The following CDC42BPA variants were observed in gnomAD, a reference collection of about 807,000 sequenced individuals.
The protein encoded by CDC42BPA is CDC42 binding protein kinase alpha, also known as serine/threonine-protein kinase MRCK alpha.
In CDC42BPA, 80 loss-of-function variants were observed where a neutral mutation model predicts 223.5. That is an observed-to-expected ratio of 0.36 (90% CI 0.30 to 0.43). The LOEUF (loss-of-function observed/expected upper bound fraction) is 0.43, where lower values mean the gene tolerates loss of function less well. Among genes scored for constraint, CDC42BPA ranks in the 20% least tolerant of loss-of-function variants. The pLI, the probability that CDC42BPA is intolerant of heterozygous loss-of-function variation, is 1.00. For missense variants in CDC42BPA, 1,743 were observed against 2,099.9 expected (o/e 0.83, Z 3.32); for synonymous variants, 694 against 718.6 (o/e 0.97, Z 0.55).
chr1:227,092,491 C>T (rs562584519), intron 15 of CDC42BPA, among the ~76,000 whole-genome samples: 5 of 152,268 alleles, frequency 3.3e-5, no homozygotes, highest in African/African-American at 7.2e-5. Context: ...ACATGCATTA[C>T]GTTCTATCCA....
chr1:227,145,426 T>G, intron 8 of CDC42BPA, 63 bp downstream of exon 8: 1 of 1,435,274 alleles, frequency 7.0e-7, no homozygotes, highest in Non-Finnish European at 9.4e-7. Context: ...AACCAAAAAA[T>G]TACTATATAA....
At chr1:227,207,419 G>C (rs1250880919) in intron 3 of CDC42BPA, among the ~76,000 whole-genome samples, 2 of 145,362 alleles carry the variant, frequency 1.4e-5, no homozygotes, top group Non-Finnish European at 3.0e-5. Context: ...CATTGTGCAG[G>C]TTAGTTACAT....
At chr1:227,067,277 G>A (rs1439584226) in intron 21 of CDC42BPA, among the ~76,000 whole-genome samples, 2 of 152,042 alleles carry the variant, frequency 1.3e-5, no homozygotes, top group African/African-American at 4.8e-5. Context: ...GGACCTGGCT[G>A]GGGTGTGCAT....
chr1:227,142,720 A>G (rs1052616853), intron 9 of CDC42BPA, among the ~76,000 whole-genome samples: 2 of 152,152 alleles, frequency 1.3e-5, no homozygotes, highest in Non-Finnish European at 2.9e-5. Context: ...CCCAGGTTCA[A>G]GTGATTCTCC....
chr1:227,053,437 T>C (rs1318365476), intron 21 of CDC42BPA, among the ~76,000 whole-genome samples: 1 of 152,116 alleles, frequency 6.6e-6, no homozygotes, highest in Non-Finnish European at 1.5e-5. Context: ...TTAGGGGTCT[T>C]GGAGCAGCAA....
At chr1:227,293,722 A>G (rs1159111875) in intron 1 of CDC42BPA, among the ~76,000 whole-genome samples, 1 of 152,088 alleles carries the variant, frequency 6.6e-6, no homozygotes, top group African/African-American at 2.4e-5. Flanking sequence ...GAGGCAGAAG[A>G]ATCGCCTGAA....
chr1:227,130,758 G>A (rs1410325860), intron 10 of CDC42BPA, among the ~76,000 whole-genome samples: 1 of 152,172 alleles, frequency 6.6e-6, no homozygotes, highest in Admixed American at 6.5e-5. Context: ...GGGAGGCTGA[G>A]GCAGGAGAAA....
At chr1:227,007,535 G>C (rs1160824506) in intron 34 of CDC42BPA, among the ~76,000 whole-genome samples, 2 of 152,182 alleles carry the variant, frequency 1.3e-5, no homozygotes, top group African/African-American at 4.8e-5. Context: ...CATAATTTAA[G>C]AGTTGATGAT....
chr1:227,189,307 AAACT>A (rs2150114817), intron 5 of CDC42BPA, among the ~76,000 whole-genome samples: 1 of 152,346 alleles, frequency 6.6e-6, no homozygotes, highest in East Asian at 1.9e-4. Context: ...TCAGAAATGA[AAACT>A]AAGTAAGAGT....
intron 26 of CDC42BPA, among the ~76,000 whole-genome samples, chr1:227,033,674 A>G (rs1367109017): frequency 6.6e-6 from 1 of 152,198 alleles, no homozygotes. Context: ...TTAAGTATAC[A>G]CGTAGAACTG....
At chr1:227,298,164 C>A (rs1015427480) in intron 1 of CDC42BPA, among the ~76,000 whole-genome samples, 12 of 151,318 alleles carry the variant, frequency 7.9e-5, no homozygotes, top group Non-Finnish European at 1.8e-4. Context: ...TGGCATTTTC[C>A]AGAATACCTC....
intron 1 of CDC42BPA, among the ~76,000 whole-genome samples, chr1:227,292,282 A>G (rs1265014281): frequency 6.6e-6 from 1 of 151,802 alleles, no homozygotes; most frequent in Non-Finnish European, 1.5e-5. Context: ...AGCCCAGCCA[A>G]TAATTTTTAA....
Position 227,028,734 on chromosome 1 carries a change from A to T in CDC42BPA, c.4355T>A (p.Ile1452Asn). Residue 1452 changes from isoleucine to asparagine, a missense_variant, in exon 30 of 37, where the codon ATT (isoleucine) becomes AAT (asparagine). Physicochemically the swap from Ile to Asn is moderately radical, Grantham distance 149 (BLOSUM62 -3). Coordinates refer to ENST00000366766, the MANE Select transcript of CDC42BPA (RefSeq NM_001394014.1). ...SKEYLLCFNS[I>N]GIYTDCQGRR... ...GCCCTGGCAGTCAGTGTATATCCCA[A>T]TGCTGTTAAAACACAGCAGATATTC... 6.2e-7 allele frequency: 1 copy of T among 1,613,890 alleles called. No homozygotes were observed.
At chr1:227,180,096 C>T (rs1300177248) in intron 5 of CDC42BPA, among the ~76,000 whole-genome samples, 3 of 152,100 alleles carry the variant, frequency 2.0e-5, no homozygotes, top group Non-Finnish European at 4.4e-5. Context: ...ATCCAAGCTA[C>T]TCAGGAGGCT....
intron 1 of CDC42BPA, among the ~76,000 whole-genome samples, chr1:227,278,008 C>G (rs1469750111): frequency 6.6e-6 from 1 of 152,206 alleles, no homozygotes; most frequent in South Asian, 2.1e-4. Flanking sequence ...CTCGGCCTTC[C>G]TAAGTGCTGG....
chr1:227,198,539 T>TA (rs535832594), intron 4 of CDC42BPA, among the ~76,000 whole-genome samples: 24 of 151,790 alleles, frequency 1.6e-4, no homozygotes, highest in Middle Eastern at 3.4e-3. Flanking sequence ...ATCTGTAGTT[T>TA]AAAAAAACAT....
intron 1 of CDC42BPA, among the ~76,000 whole-genome samples, chr1:227,298,747 A>C (rs549449062): frequency 6.6e-6 from 1 of 152,372 alleles, no homozygotes; most frequent in South Asian, 2.1e-4. Context: ...AGTGGCTTAT[A>C]GGTTTCAGTG....
At chr1:227,171,916 A>T (rs1177753245) in intron 5 of CDC42BPA, among the ~76,000 whole-genome samples, 1 of 152,108 alleles carries the variant, frequency 6.6e-6, no homozygotes, top group Non-Finnish European at 1.5e-5. Flanking sequence ...TAAGACAGGC[A>T]TTTCTCTTCC....
rs557036702 is a variant in CDC42BPA, at chr1:227,306,792, T to C, written c.178+10213A>G. 2.6e-5 allele frequency among the ~76,000 whole-genome samples: 4 copies of C among 152,310 alleles called. No individual in the cohort carries two copies. The South Asian group carries it at 6.2e-4, about 24-fold the overall frequency. On this transcript the variant is annotated intron_variant, in intron 1 of 36. Transcript: ENST00000366766. ...AAAGGGGCTTTAGTCACTGTTTCAT[T>C]GCGGGGGCTTTTCCTAATCTTTTCA...
Sources: gnomAD v4.1 joint callset for allele counts (sites outside exome capture counted in the v4.1 genomes callset) on GRCh38, gnomAD v4.1.1 for gene constraint, MANE v1.5 for transcripts, NCBI Gene and HGNC (gene_info 2026-07-23, HGNC 2026-07-21) for gene names.